The following EIF2AK4 variants were observed in gnomAD, a reference collection of about 807,000 sequenced individuals.
The protein encoded by EIF2AK4 is eIF-2-alpha kinase GCN2.
In EIF2AK4, 139 loss-of-function variants were observed where a neutral mutation model predicts 211.1. The ratio of observed to expected loss-of-function variants is 0.66; its 90% CI spans 0.57 to 0.76. The LOEUF (loss-of-function observed/expected upper bound fraction) is 0.76, where lower values mean the gene tolerates loss of function less well. Ranked by LOEUF, EIF2AK4 falls within the 30% of genes least tolerant of loss-of-function variation. EIF2AK4 has a pLI of 0.00. For synonymous variants in EIF2AK4, 710 were observed against 751.3 expected (o/e 0.94, Z 0.90); for missense variants, 1,664 against 2,043.8 (o/e 0.81, Z 3.58).
chr15:40,020,175 AAAAG>A (rs2035363917), intron 30 of EIF2AK4, among the ~76,000 whole-genome samples: 1 of 151,372 alleles, frequency 6.6e-6, no homozygotes, highest in South Asian at 2.1e-4. Flanking sequence ...CAAAAAAAAA[AAAAG>A]AAAAAAGAAA....
At chr15:39,946,781 C>T (rs2034233940) in intron 3 of EIF2AK4, 4 of 636,322 alleles carry the variant, frequency 6.3e-6, no homozygotes, top group Non-Finnish European at 1.1e-5. Flanking sequence ...CCACCTTGAT[C>T]AGTCAGCAGC....
chr15:39,997,716 A>G (rs1051311425), intron 19 of EIF2AK4, among the ~76,000 whole-genome samples: 5 of 152,308 alleles, frequency 3.3e-5, no homozygotes, highest in African/African-American at 1.2e-4. Flanking sequence ...TGAAATTTCC[A>G]TTTGTGTTCT....
At chr15:40,022,339 C>A in intron 31 of EIF2AK4, 180 bp from the exon 32 acceptor site, 1 of 557,328 alleles carries the variant, frequency 1.8e-6, no homozygotes, top group Non-Finnish European at 3.1e-6. Flanking sequence ...CAAGAGAGGC[C>A]TTGTTCCTCC....
In EIF2AK4 at chr15:39,946,480, T is replaced by G. The variant is rs143483863; in HGVS notation, c.361-2636T>G. On this transcript the variant is annotated intron_variant, in intron 3 of 38. Transcript: ENST00000263791. ...TTAACAGATGATTAGTTGCCTCTTA[T>G]AGATTAGGAGAGAAAGTGGTTTCTT... 1,358 of 679,150 alleles carry G rather than the reference T, an allele frequency of 2.0e-3. 19 individuals are homozygous for G. The highest frequency in any genetic ancestry group is 0.012 in the South Asian group (782 of 62,714). The allele number at this position is 679,150 out of a possible 1,614,324, so 42.1% of individuals were successfully genotyped here. A position where few individuals can be genotyped will look rare whatever the true frequency, so the allele number is the denominator to read the frequency against.
chr15:40,006,908 TA>T (rs2035169477), intron 23 of EIF2AK4, 107 bp from the exon 24 acceptor site: 1 of 780,826 alleles, frequency 1.3e-6, no homozygotes, highest in Non-Finnish European at 2.1e-6. Flanking sequence ...CTGAAGTACA[TA>T]CTTTAAAGGG....
chr15:39,972,244 A>G (rs1160128808), intron 9 of EIF2AK4, among the ~76,000 whole-genome samples: 2 of 151,692 alleles, frequency 1.3e-5, no homozygotes, highest in African/African-American at 4.8e-5. Context: ...CTGTAGTCCC[A>G]GCTACTGAGA....
chr15:39,972,804 A>G (rs568157631), intron 9 of EIF2AK4, 104 bp from the exon 10 acceptor site: 3 of 827,054 alleles, frequency 3.6e-6, no homozygotes, highest in African/African-American at 3.5e-5. Flanking sequence ...CATGAATTCT[A>G]TAATGTGTAT....
At position 40,019,204 on chromosome 15, in the gene EIF2AK4, A is replaced by G; in HGVS notation, c.4173+4A>G. ...TGTCCTCAACATGGAGGAATCTGTA[A>G]GTTCTGGCTTGGCTTCCCAGCATAC... On this transcript the variant is annotated splice_donor_region_variant and intron_variant, in intron 30 of 38. Transcript: ENST00000263791. 6.4e-7 allele frequency: 1 copy of G among 1,564,108 alleles called. No individual in the cohort carries two copies. The highest frequency in any genetic ancestry group is 1.2e-5 in the South Asian group (1 of 82,786).
intron 6 of EIF2AK4, 45 bp from the exon 7 acceptor site, chr15:39,961,739 A>G (rs898756479): frequency 1.4e-6 from 2 of 1,476,728 alleles, no homozygotes; most frequent in African/African-American, 1.4e-5. Flanking sequence ...AAAGAAAAAA[A>G]TGAAAAATGA....
At chr15:39,976,948 C>A in intron 12 of EIF2AK4, 104 bp downstream of exon 12, 1 of 1,320,654 alleles carries the variant, frequency 7.6e-7, no homozygotes, top group Non-Finnish European at 9.8e-7. Context: ...TTCTTTCCTT[C>A]TTTTCTTTCT....
chr15:40,019,841 T>C (rs1185293185), intron 30 of EIF2AK4, among the ~76,000 whole-genome samples: 2 of 152,200 alleles, frequency 1.3e-5, no homozygotes, highest in Non-Finnish European at 2.9e-5. Context: ...TGAGATGTTA[T>C]AGTTGTTAAC....
intron 1 of EIF2AK4, among the ~76,000 whole-genome samples, chr15:39,937,649 T>C (rs2034085517): frequency 6.6e-6 from 1 of 152,184 alleles, no homozygotes; most frequent in South Asian, 2.1e-4. Flanking sequence ...AAAACCAAAT[T>C]CGTCAAAGTT....
chr15:40,016,449 G>A, intron 27 of EIF2AK4, 53 bp from the exon 28 acceptor site: 1 of 1,608,644 alleles, frequency 6.2e-7, no homozygotes. Context: ...CGGTGCAAAG[G>A]GAGTCTTCCC....
rs189914001 is a variant in EIF2AK4 at position 40,026,300 on chromosome 15, T to A, written c.4502+211T>A. 0.011 allele frequency among the ~76,000 whole-genome samples: 1,726 copies of A among 151,600 alleles called. 30 individuals are homozygous for A. The highest frequency in any genetic ancestry group is 0.039 in the African/African-American group (1,613 of 41,294). On this transcript the variant is annotated intron_variant, in intron 33 of 38. Transcript: ENST00000263791. ...CAAGACCCCATTTCTAAAAAAAAAATTTTTTTGATTAGCTGGGCATGGTGG... is the reference window on the plus strand; with the variant it reads ...CAAGACCCCATTTCTAAAAAAAAAAATTTTTTGATTAGCTGGGCATGGTGG...
chr15:39,994,501 C>T (rs540091112), intron 18 of EIF2AK4, among the ~76,000 whole-genome samples: 2 of 152,118 alleles, frequency 1.3e-5, no homozygotes, highest in Non-Finnish European at 2.9e-5. Flanking sequence ...CCCAGCTCCT[C>T]AGGAGGCTGA....
intron 1 of EIF2AK4, among the ~76,000 whole-genome samples, chr15:39,936,049 C>G (rs2034059992): frequency 6.6e-6 from 1 of 152,170 alleles, no homozygotes; most frequent in Non-Finnish European, 1.5e-5. Context: ...AGGCTTCATT[C>G]TGAACTAGTT....
intron 38 of EIF2AK4, 50 bp downstream of exon 38, chr15:40,034,494 C>CG (rs776181600): frequency 3.5e-6 from 5 of 1,415,934 alleles, no homozygotes; most frequent in Non-Finnish European, 5.0e-6. Flanking sequence ...AAATTCAGGG[C>CG]GGGGGGTTTC....
At chr15:39,945,666 G>T (rs924878418) in intron 3 of EIF2AK4, among the ~76,000 whole-genome samples, 1 of 151,924 alleles carries the variant, frequency 6.6e-6, no homozygotes, top group Non-Finnish European at 1.5e-5. Context: ...TATGGAAGAA[G>T]GTGCCATCTA....
chr15:39,978,929 A>G (rs1428527666), intron 13 of EIF2AK4, among the ~76,000 whole-genome samples: 1 of 152,216 alleles, frequency 6.6e-6, no homozygotes, highest in Non-Finnish European at 1.5e-5. Context: ...AACTATAATT[A>G]AAAAGTCACT....
Sources: allele counts gnomAD v4.1 joint callset (sites outside exome capture counted in the v4.1 genomes callset), GRCh38; gene constraint gnomAD v4.1.1; transcripts MANE v1.5; gene names NCBI Gene and HGNC (gene_info 2026-07-23, HGNC 2026-07-21).